ZNF99: variants seen among roughly 807,000 people sequenced by gnomAD.
The protein encoded by ZNF99 is zinc finger protein ENSP00000375192.
Under a neutral mutation model 12.8 loss-of-function variants are expected in ZNF99, and 8 were observed. The ratio of observed to expected loss-of-function variants is 0.62; its 90% CI spans 0.37 to 1.13. ZNF99 has a LOEUF of 1.13. Among genes scored for constraint, ZNF99 ranks in the 50% most tolerant of loss-of-function variants. The probability of loss-of-function intolerance (pLI) is 0.02; values close to 1 mark genes in which losing one functional copy is unlikely to be tolerated. For missense variants in ZNF99, 1,007 were observed against 1,006.2 expected, an observed-to-expected ratio of 1.00 and a Z score of -0.01; for synonymous variants, 318 against 319.0, an observed-to-expected ratio of 1.00 and a Z score of 0.03.
In ZNF99 at chr19:22,755,642, A is replaced by G; in HGVS notation, c.*1672T>C. 1 of 278,436 alleles carries G rather than the reference A, an allele frequency of 3.6e-6. No homozygotes were observed. Among genetic ancestry groups the G allele is most frequent in the Admixed American group, 4.5e-5 (1 of 22,404 alleles). 17.2% of individuals were successfully genotyped at this position (278,436 alleles called of 1,614,324 possible). ...GTAGTGTTCCTCTCCAAGATAAATT[A>G]TTTTATGTTGAGTAAAGTTTGAGGA... On this transcript the variant is annotated 3_prime_UTR_variant, in exon 4 of 4. Coordinates refer to ENST00000596209, the MANE Select transcript of ZNF99 (RefSeq NM_001080409.3).
chr19:22,773,918 C>T (rs1236144474), intron 1 of ZNF99: 2 of 152,184 alleles, frequency 1.3e-5, no homozygotes, highest in Non-Finnish European at 2.9e-5. Flanking sequence ...TGCACCTTCA[C>T]ATTAATGGAA....
intron 3 of ZNF99, among the ~76,000 whole-genome samples, chr19:22,766,421 C>T (rs911822633): frequency 7.9e-5 from 12 of 151,038 alleles, no homozygotes; most frequent in Admixed American, 3.3e-4. Context: ...CTCACCACAA[C>T]CTACGCCTCT....
At chr19:22,776,177 C>T (rs867709983) in intron 1 of ZNF99, among the ~76,000 whole-genome samples, 1 of 151,060 alleles carries the variant, frequency 6.6e-6, no homozygotes, top group African/African-American at 2.4e-5. Flanking sequence ...ATGGTTAAAC[C>T]TCATCTCTAC....
chr19:22,783,317 C>CT (rs35900800), intron 1 of ZNF99, among the ~76,000 whole-genome samples: 75 of 149,856 alleles, frequency 5.0e-4, no homozygotes, highest in South Asian at 1.3e-3. Flanking sequence ...AATTCAAGTG[C>CT]TTTTTTTTTT....
chr19:22,771,652 C>A (rs1321923740), intron 1 of ZNF99, among the ~76,000 whole-genome samples: 1 of 150,328 alleles, frequency 6.7e-6, no homozygotes, highest in East Asian at 2.0e-4. Flanking sequence ...AGGACCCCAG[C>A]TTTTCCCCAA....
At chr19:22,783,935 T>G (rs2145164982) in intron 1 of ZNF99, 79 bp downstream of exon 1, 5 of 1,584,838 alleles carry the variant, frequency 3.2e-6, no homozygotes, top group East Asian at 2.2e-5. Flanking sequence ...AGGGGAGGCC[T>G]GAGTCCCGCC....
rs1307227719 is a variant in ZNF99 at position 22,758,935 on chromosome 19, A to T, written c.974T>A (p.Phe325Tyr). ...CEECGKAFNHFSALRKHQIIH... is the reference protein window; with the variant it reads ...CEECGKAFNHYSALRKHQIIH... ...TATCTGATGTTTTCTAAGGGCTGAG[A>T]AATGGTTAAAAGCTTTGCCACATTC... is the stretch of plus-strand genomic sequence containing the variant. Residue 325 changes from phenylalanine to tyrosine, a missense_variant, in exon 4 of 4, where the codon TTC becomes TAC. Coordinates refer to ENST00000596209, the MANE Select transcript of ZNF99 (RefSeq NM_001080409.3). The T allele has an allele frequency of 6.2e-7, 1 of 1,612,982 alleles. No homozygotes were observed. The highest frequency in any genetic ancestry group is 1.7e-4 in the Middle Eastern group (1 of 6,054).
Position 22,758,701 on chromosome 19 carries a change from C to A in ZNF99, c.1208G>T (p.Gly403Val), listed in dbSNP as rs1341065452. ...GQKPYKCEEC[G>V]KAFKWSSKLT... ...TTTTGAGGACCACTTAAAAGCTTTACCACATTCTTCACATTTGTAGGGTTT... is the reference window on the plus strand; with the variant it reads ...TTTTGAGGACCACTTAAAAGCTTTAACACATTCTTCACATTTGTAGGGTTT... Residue 403 changes from glycine to valine, a missense_variant, in exon 4 of 4, where the codon GGT (glycine) becomes GTT (valine). Coordinates refer to ENST00000596209, the MANE Select transcript of ZNF99 (RefSeq NM_001080409.3). 6 of 1,613,300 alleles carry A rather than the reference C, an allele frequency of 3.7e-6. No homozygotes were observed. The African/African-American group carries it at 6.7e-5, about 18-fold the overall frequency.
At chr19:22,767,328 G>A (rs571719798) in intron 3 of ZNF99, among the ~76,000 whole-genome samples, 99 of 152,076 alleles carry the variant, frequency 6.5e-4, no homozygotes, top group Non-Finnish European at 1.2e-3. Flanking sequence ...AGATGCCTGA[G>A]TGGCTTAAGA....
intron 3 of ZNF99, among the ~76,000 whole-genome samples, chr19:22,767,203 G>A (rs1973214628): frequency 6.6e-6 from 1 of 151,596 alleles, no homozygotes; most frequent in Non-Finnish European, 1.5e-5. Flanking sequence ...AAGATTATCT[G>A]AGTTTGAGAG....
At chr19:22,767,269 G>A (rs968409278) in intron 3 of ZNF99, among the ~76,000 whole-genome samples, 2 of 152,078 alleles carry the variant, frequency 1.3e-5, no homozygotes, top group Non-Finnish European at 2.9e-5. Flanking sequence ...CCTGGTTGAC[G>A]AAGTGAGACC....
intron 2 of ZNF99, among the ~76,000 whole-genome samples, chr19:22,768,906 G>A (rs1973233895): frequency 2.6e-5 from 4 of 151,818 alleles, no homozygotes; most frequent in African/African-American, 9.7e-5. Flanking sequence ...GTGCATGCCT[G>A]TAATCCCAGC....
intron 1 of ZNF99, among the ~76,000 whole-genome samples, chr19:22,776,408 GATAT>G (rs55638958): frequency 6.6e-4 from 46 of 69,496 alleles, no homozygotes; most frequent in African/African-American, 7.9e-4. Flanking sequence ...TCCAAAATAA[GATAT>G]ATATATATAT....
rs34161305 is a variant in ZNF99 at position 22,755,073 on chromosome 19, C to CAA, written c.*2239_*2240dup. The CAA allele has an allele frequency of 0.046, 6,803 of 146,506 alleles. 175 individuals are homozygous for CAA. The highest frequency in any genetic ancestry group is 0.058 in the Non-Finnish European group (4,096 of 70,238). 9.1% of individuals were successfully genotyped at this position (146,506 alleles called of 1,614,324 possible). On this transcript the variant is annotated 3_prime_UTR_variant, in exon 4 of 4. Coordinates refer to ENST00000596209, the MANE Select transcript of ZNF99 (RefSeq NM_001080409.3). ...GGGCAACTAGGGCGAAACTCTGTTT[C>CAA]AAAAAAAAAAAAAAAAAAATTGAAG... is the stretch of plus-strand genomic sequence containing the variant.
At chr19:22,762,982 C>T (rs1325462306) in intron 3 of ZNF99, among the ~76,000 whole-genome samples, 2 of 152,108 alleles carry the variant, frequency 1.3e-5, no homozygotes, top group Admixed American at 6.5e-5. Flanking sequence ...AAGGGACATA[C>T]ATCAAGATAA....
In ZNF99 at chr19:22,784,033, G is replaced by C. The variant is rs772730578; in HGVS notation, c.-17C>G. On this transcript the variant is annotated 5_prime_UTR_variant, in exon 1 of 4. Coordinates refer to ENST00000596209, the MANE Select transcript of ZNF99 (RefSeq NM_001080409.3). ...TCTCACCATTTCTAAGCTTCCAGGG[G>C]GTCCTGGCGTCCTAGCTGTGGATCT... 6.2e-7 allele frequency: 1 copy of C among 1,613,666 alleles called. No homozygotes were observed. Among genetic ancestry groups the C allele is most frequent in the South Asian group, 1.1e-5 (1 of 91,058 alleles).
At chr19:22,782,927 C>T (rs1015329674) in intron 1 of ZNF99, among the ~76,000 whole-genome samples, 7 of 140,842 alleles carry the variant, frequency 5.0e-5, no homozygotes, top group Non-Finnish European at 3.1e-5. Context: ...CTCGGCCTCC[C>T]AAAGTGCTGG....
At chr19:22,779,189 C>T (rs995145087) in intron 1 of ZNF99, among the ~76,000 whole-genome samples, 1 of 152,102 alleles carries the variant, frequency 6.6e-6, no homozygotes, top group African/African-American at 2.4e-5. Flanking sequence ...CATAGCCAGA[C>T]ACAGACTCTG....
intron 1 of ZNF99, among the ~76,000 whole-genome samples, chr19:22,781,007 TA>T (rs1441714626): frequency 2.0e-5 from 3 of 151,948 alleles, no homozygotes; most frequent in Non-Finnish European, 4.4e-5. Flanking sequence ...CACCCAACCA[TA>T]AAAAACACAC....
Sources: allele counts gnomAD v4.1 joint callset (sites outside exome capture counted in the v4.1 genomes callset), GRCh38; gene constraint gnomAD v4.1.1; transcripts MANE v1.5; gene names NCBI Gene and HGNC (gene_info 2026-07-23, HGNC 2026-07-21).